The following SPEN variants were observed in gnomAD, a reference collection of about 807,000 sequenced individuals.
SPEN encodes the protein msx2-interacting protein.
SPEN carries 18 observed loss-of-function variants against 269.9 expected under a neutral mutation model. The ratio of observed to expected loss-of-function variants is 0.07; its 90% CI spans 0.05 to 0.10. The LOEUF (loss-of-function observed/expected upper bound fraction) is 0.10. Among genes scored for constraint, SPEN ranks in the 10% least tolerant of loss-of-function variants. The pLI, the probability that SPEN is intolerant of heterozygous loss-of-function variation, is 1.00. For synonymous variants in SPEN, 1,726 were observed against 1,765.7 expected (o/e 0.98, Z 0.56); for missense variants, 3,822 against 4,631.2 (o/e 0.83, Z 5.07).
At position 15,848,706 on chromosome 1, in the gene SPEN, C is replaced by T. The variant is rs1176282200; in HGVS notation, c.83+556C>T. ...GCGGACCCGGAGAGACCATCTAGGA[C>T]CTCTCCGGAGGATTTGCAGCCTTGA... On this transcript the variant is annotated intron_variant, in intron 1 of 14. Coordinates refer to ENST00000375759, the MANE Select transcript of SPEN (RefSeq NM_015001.3). This position sits in a 1 kb window ranked among gnomAD's most constrained non-coding sequence, Gnocchi z 5.1. Among the ~76,000 whole-genome samples, 3 of 152,324 alleles carry T rather than the reference C, an allele frequency of 2.0e-5. No homozygotes were observed. Among genetic ancestry groups the T allele is most frequent in the East Asian group, 1.9e-4 (1 of 5,174 alleles).
intron 3 of SPEN, among the ~76,000 whole-genome samples, chr1:15,884,166 G>A (rs2070715169): frequency 6.6e-6 from 1 of 152,042 alleles, no homozygotes; most frequent in Admixed American, 6.6e-5. Context: ...TTTAACAACA[G>A]ATATAAGGTA....
At chr1:15,902,287 T>C (rs936924842) in intron 3 of SPEN, among the ~76,000 whole-genome samples, 3 of 152,172 alleles carry the variant, frequency 2.0e-5, no homozygotes, top group African/African-American at 7.2e-5. Context: ...ACCAATTCTG[T>C]ATTCAAACTG....
rs71003216 is a variant in SPEN, at chr1:15,892,012, CTTTTTTTTTTTTTTTT to C, written c.881+15344_881+15359del. On this transcript the variant is annotated intron_variant, in intron 3 of 14. Transcript: ENST00000375759. ...CATTAATTACATCTGTTTCTTTTTA[CTTTTTTTTTTTTTTTT>C]TTTTTTTTTGGAGATGGAGTCTCGC... Among the ~76,000 whole-genome samples, 22 of 74,572 alleles carry C rather than the reference CTTTTTTTTTTTTTTTT, an allele frequency of 3.0e-4. 2 individuals are homozygous for C. Among genetic ancestry groups the C allele is most frequent in the Admixed American group, 1.9e-3 (10 of 5,228 alleles). The allele number at this position is 74,572 out of a possible 152,430, so 48.9% of individuals were successfully genotyped here.
At chr1:15,871,746 A>G (rs531030417) in intron 1 of SPEN, among the ~76,000 whole-genome samples, 1 of 152,214 alleles carries the variant, frequency 6.6e-6, no homozygotes, top group South Asian at 2.1e-4. Flanking sequence ...TTTTGCCTTT[A>G]AGTAAGGAGT....
At chr1:15,902,066 C>CT (rs796401933) in intron 3 of SPEN, among the ~76,000 whole-genome samples, 162 of 151,426 alleles carry the variant, frequency 1.1e-3, no homozygotes, top group African/African-American at 3.4e-3. Context: ...GTAGCTGGGA[C>CT]TACAGGCATG....
intron 1 of SPEN, among the ~76,000 whole-genome samples, chr1:15,865,338 C>T (rs1040118328): frequency 1.3e-5 from 2 of 151,654 alleles, no homozygotes; most frequent in African/African-American, 4.8e-5. Context: ...CAGGTGTGAG[C>T]CACCACGCCT....
At position 15,920,882 on chromosome 1, in the gene SPEN, C is replaced by G; in HGVS notation, c.1648C>G (p.Arg550Gly). 1 of 1,602,416 alleles carries G rather than the reference C, an allele frequency of 6.2e-7. No individual in the cohort carries two copies. The highest frequency in any genetic ancestry group is 8.5e-7 in the Non-Finnish European group (1 of 1,175,010). ...YGPVVKVVFD[R>G]LKGMALVLYN... is the part of the protein sequence containing the mutation. The stretch of plus-strand genomic sequence containing the variant: ...GTTTGTTTTACAGGTGGTGTTTGAC[C>G]GCTTAAAAGGCATGGCCCTGGTTCT... Residue 550 changes from arginine to glycine, a missense_variant, in exon 9 of 15, where the codon CGC (arginine) becomes GGC (glycine). Coordinates refer to ENST00000375759, the MANE Select transcript of SPEN (RefSeq NM_015001.3).
intron 3 of SPEN, 23 bp from the exon 4 acceptor site, chr1:15,909,298 T>G: frequency 6.3e-7 from 1 of 1,589,732 alleles, no homozygotes; most frequent in East Asian, 2.2e-5. Context: ...TCACTAAAGT[T>G]TGTTGTTGTT....
chr1:15,875,632 C>T (rs1484623024), intron 2 of SPEN, among the ~76,000 whole-genome samples: 1 of 151,646 alleles, frequency 6.6e-6, no homozygotes, highest in African/African-American at 2.4e-5. Flanking sequence ...TTATGTAGTC[C>T]AGTAATTTTT....
rs772191071 is a variant in SPEN, at chr1:15,933,962, G to A, written c.7722G>A (p.Pro2574=). Residue 2574 remains proline, a synonymous_variant, in exon 11 of 15, where the codon CCG becomes CCA. Transcript: ENST00000375759. This position sits in a 1 kb window ranked among gnomAD's most constrained non-coding sequence, Gnocchi z 5.7. The part of the protein sequence containing the change: ...AAPCLHEAPP[P]PVDSKKPLEE... ...CTTGCCTACATGAGGCCCCGCCCCC[G>A]CCAGTTGACTCTAAAAAGCCTTTAG... 2.3e-5 allele frequency: 37 copies of A among 1,613,588 alleles called. No homozygotes were observed. The highest frequency in any genetic ancestry group is 1.3e-4 in the Admixed American group (8 of 59,962).
At position 15,848,035 on chromosome 1, in the gene SPEN, C is replaced by G. The variant is rs771242680; in HGVS notation, c.-33C>G. On this transcript the variant is annotated 5_prime_UTR_variant, in exon 1 of 15. Coordinates refer to ENST00000375759, the MANE Select transcript of SPEN (RefSeq NM_015001.3). The surrounding 1 kb of genome is among the most constrained non-coding windows in gnomAD (Gnocchi z 5.1). ...CTCGTACGAAGCCGGCGAGGGGGAG[C>G]CAGCAGCGGCGGTCGCCGGCACGCC... is the stretch of plus-strand genomic sequence containing the variant. 126 of 1,371,814 alleles carry G rather than the reference C, an allele frequency of 9.2e-5. No homozygotes were observed. Among genetic ancestry groups the G allele is most frequent in the Non-Finnish European group, 1.2e-4 (122 of 1,038,662 alleles). The allele number at this position is 1,371,814 out of a possible 1,614,324, so 85.0% of individuals were successfully genotyped here. A position where few individuals can be genotyped will look rare whatever the true frequency, so the allele number is the denominator to read the frequency against.
chr1:15,906,713 C>G (rs1417377117), intron 3 of SPEN, among the ~76,000 whole-genome samples: 1 of 151,096 alleles, frequency 6.6e-6, no homozygotes. Context: ...ATTCACCTGC[C>G]TTGGCCTCCC....
chr1:15,907,201 G>T (rs1445609128), intron 3 of SPEN, among the ~76,000 whole-genome samples: 1 of 152,182 alleles, frequency 6.6e-6, no homozygotes, highest in Non-Finnish European at 1.5e-5. Flanking sequence ...TGCTGTAGCG[G>T]CTGGATGTGT....
intron 3 of SPEN, among the ~76,000 whole-genome samples, chr1:15,907,681 A>T (rs539244713): frequency 6.6e-6 from 1 of 152,094 alleles, no homozygotes; most frequent in Non-Finnish European, 1.5e-5. Context: ...CCTCTATAAC[A>T]TGGGGGAGAA....
chr1:15,889,908 T>C (rs892117814), intron 3 of SPEN, among the ~76,000 whole-genome samples: 3 of 152,038 alleles, frequency 2.0e-5, no homozygotes, highest in Admixed American at 2.0e-4. Flanking sequence ...AGAGTTGGGG[T>C]TTCACCATGC....
rs1182601973 is a variant in SPEN at position 15,937,439 on chromosome 1, G to C, written c.10303G>C (p.Val3435Leu). 1.9e-6 allele frequency: 3 copies of C among 1,613,698 alleles called. No individual in the cohort carries two copies. The East Asian group carries it at 6.7e-5, about 36-fold the overall frequency. ...ETGPTSFPSP[V>L]SVSMKPDLPV... ...AGGCCCGACTTCCTTCCCCTCCCCT[G>C]TGTCTGTCTCCATGAAGCCTGACCT... Residue 3435 changes from valine (V) to leucine (L), a missense_variant, in exon 12 of 15, where the codon GTG (valine) becomes CTG (leucine). By Grantham distance (32) the Val-to-Leu change is conservative. This residue lies in a region of SPEN where 359 missense variants were observed against 377.3 expected (regional missense o/e 0.95). Transcript: ENST00000375759. This position sits in a 1 kb window ranked among gnomAD's most constrained non-coding sequence, Gnocchi z 5.7.
At position 15,914,834 on chromosome 1, in the gene SPEN, A is replaced by G. The variant is rs574475969; in HGVS notation, c.1244-1294A>G. ...AGTGAAACTCCATCTCAAAGAAAAA[A>G]AAGAAGAAGAAGAAGCCGTAACAAT... On this transcript the variant is annotated intron_variant, in intron 5 of 14. Coordinates refer to ENST00000375759, the MANE Select transcript of SPEN (RefSeq NM_015001.3). 1.4e-4 allele frequency among the ~76,000 whole-genome samples: 22 copies of G among 152,238 alleles called. No homozygotes were observed. The East Asian group carries it at 4.1e-3, about 28-fold the overall frequency.
intron 3 of SPEN, among the ~76,000 whole-genome samples, chr1:15,877,272 T>C (rs2070641193): frequency 6.6e-6 from 1 of 151,988 alleles, no homozygotes; most frequent in Admixed American, 6.6e-5. Flanking sequence ...TTTCTACAAA[T>C]ATATATATAT....
chr1:15,878,539 G>A (rs1255206404), intron 3 of SPEN, among the ~76,000 whole-genome samples: 1 of 152,200 alleles, frequency 6.6e-6, no homozygotes, highest in Admixed American at 6.5e-5. Context: ...TTGGTGTGCT[G>A]TCTAGATAAA....
Sources: gnomAD v4.1 joint callset for allele counts (sites outside exome capture counted in the v4.1 genomes callset) on GRCh38, gnomAD v4.1.1 for gene constraint, gnomAD v4.1.1 regional missense constraint, Gnocchi (gnomAD v3.1) non-coding constraint, MANE v1.5 for transcripts, NCBI Gene and HGNC (gene_info 2026-07-23, HGNC 2026-07-21) for gene names.